Variants in TRIM67 observed in about 807,000 individuals in gnomAD.
TRIM67 encodes tripartite motif-containing protein 67.
TRIM67 carries 39 observed loss-of-function variants against 71.0 expected under a neutral mutation model. That is an observed-to-expected ratio of 0.55 (90% CI 0.43 to 0.72). TRIM67 has a LOEUF of 0.72. TRIM67 is among the 30% of genes least tolerant of loss of function. The pLI, the probability that TRIM67 is intolerant of heterozygous loss-of-function variation, is 0.00. For synonymous variants in TRIM67, 481 were observed against 473.9 expected (o/e 1.01, Z -0.19); for missense variants, 973 against 1,079.2 (o/e 0.90, Z 1.38).
intron 1 of TRIM67, among the ~76,000 whole-genome samples, chr1:231,175,067 A>G (rs1257407529): frequency 1.3e-5 from 2 of 152,222 alleles, no homozygotes; most frequent in Non-Finnish European, 2.9e-5. Context: ...TGCCAGTCCC[A>G]CACAATAAAG....
intron 1 of TRIM67, chr1:231,187,686 G>A (rs940470702): frequency 6.0e-5 from 57 of 956,382 alleles, no homozygotes; most frequent in South Asian, 3.4e-4. Context: ...TGCAGGAGGC[G>A]GAGTGGGAGA....
chr1:231,182,029 C>T (rs541941732), intron 1 of TRIM67, among the ~76,000 whole-genome samples: 30 of 152,258 alleles, frequency 2.0e-4, no homozygotes, highest in African/African-American at 7.2e-4. Flanking sequence ...CAAATGAGGG[C>T]CTTGCTCTAG....
chr1:231,210,726 T>C (rs1683843789), intron 8 of TRIM67, among the ~76,000 whole-genome samples: 1 of 151,900 alleles, frequency 6.6e-6, no homozygotes, highest in Non-Finnish European at 1.5e-5. Context: ...ACTATTATTG[T>C]TGCCATTTTA....
chr1:231,172,358 G>A (rs1370763773), intron 1 of TRIM67, among the ~76,000 whole-genome samples: 1 of 152,208 alleles, frequency 6.6e-6, no homozygotes, highest in Admixed American at 6.5e-5. Flanking sequence ...GGTGGGGACG[G>A]GATGGGGGAG....
intron 8 of TRIM67, among the ~76,000 whole-genome samples, chr1:231,213,187 C>G (rs1474682007): frequency 2.6e-5 from 4 of 152,156 alleles, no homozygotes; most frequent in Non-Finnish European, 5.9e-5. Flanking sequence ...CTTTCTTACC[C>G]ATTCTCCATG....
rs555428631 is a variant in TRIM67 at position 231,187,450 on chromosome 1, C to T, written c.1045-9921C>T. The stretch of plus-strand genomic sequence containing the variant: ...TCATTTATTTCTACTGTTCTGCCAA[C>T]AGATGAGGGCATTTTTAACTTATTA... On this transcript the variant is annotated intron_variant, in intron 1 of 9. Transcript: ENST00000366653. 5 of 1,311,010 alleles carry T rather than the reference C, an allele frequency of 3.8e-6. No homozygotes were observed. In the East Asian group the frequency reaches 1.0e-4, roughly 27 times the overall value. The allele number at this position is 1,311,010 out of a possible 1,614,324, so 81.2% of individuals were successfully genotyped here.
intron 6 of TRIM67, among the ~76,000 whole-genome samples, chr1:231,204,307 C>T (rs1382791793): frequency 4.6e-5 from 7 of 152,218 alleles, no homozygotes; most frequent in Non-Finnish European, 1.5e-5. Flanking sequence ...ATTCCCTCAA[C>T]GGGTTTTGTC....
rs1684027059 is a variant in TRIM67, at chr1:231,216,903, A to G, written c.*1463A>G. ...CCTGCCACCTCCAGCTCCACCTGGT[A>G]GTAACATTTCTCTCTCCTTTTAAAA... is the stretch of plus-strand genomic sequence containing the variant. On this transcript the variant is annotated 3_prime_UTR_variant, in exon 10 of 10. Coordinates refer to ENST00000366653, the MANE Select transcript of TRIM67 (RefSeq NM_001004342.5). The G allele has an allele frequency of 2.0e-6, 2 of 985,392 alleles. No individual in the cohort carries two copies. Among genetic ancestry groups the G allele is most frequent in the Non-Finnish European group, 2.4e-6 (2 of 829,946 alleles). The allele number at this position is 985,392 out of a possible 1,614,324, so 61.0% of individuals were successfully genotyped here.
Position 231,221,369 on chromosome 1 carries a change from G to C in TRIM67, c.*5929G>C, listed in dbSNP as rs1684134772. 6.6e-6 allele frequency: 1 copy of C among 152,594 alleles called. No homozygotes were observed. Among genetic ancestry groups the C allele is most frequent in the Non-Finnish European group, 1.5e-5 (1 of 68,044 alleles). The allele number at this position is 152,594 out of a possible 1,614,324, so 9.5% of individuals were successfully genotyped here. A position where few individuals can be genotyped will look rare whatever the true frequency, so the allele number is the denominator to read the frequency against. On this transcript the variant is annotated 3_prime_UTR_variant, in exon 10 of 10. Transcript: ENST00000366653. ...CTGAAAACACGGGGGGTAGCGGGGA[G>C]TGGTAAGGAAAGCAACTTTTTTCTA...
intron 1 of TRIM67, among the ~76,000 whole-genome samples, chr1:231,168,847 T>G (rs1489592026): frequency 6.6e-6 from 1 of 152,146 alleles, no homozygotes; most frequent in Non-Finnish European, 1.5e-5. Flanking sequence ...TAGGGTTGGA[T>G]GGGCAAAAAG....
chr1:231,215,253 G>A, intron 9 of TRIM67, 122 bp from the exon 10 acceptor site: 1 of 1,411,032 alleles, frequency 7.1e-7, no homozygotes. Context: ...GCAGCCCTGA[G>A]CTATTGCATG....
chr1:231,217,880 G>C lies in TRIM67; in HGVS notation c.*2440G>C. The C allele has an allele frequency of 7.8e-7, 1 of 1,289,476 alleles. No homozygotes were observed. Among genetic ancestry groups the C allele is most frequent in the Non-Finnish European group, 1.0e-6 (1 of 988,718 alleles). 79.9% of individuals were successfully genotyped at this position (1,289,476 alleles called of 1,614,324 possible). ...CCCTCAAATCCGGTGGCCTCTTTCA[G>C]AAAAAAGTTCCCTGAAGTCCAGAGA... On this transcript the variant is annotated 3_prime_UTR_variant, in exon 10 of 10. Coordinates refer to ENST00000366653, the MANE Select transcript of TRIM67 (RefSeq NM_001004342.5).
intron 8 of TRIM67, among the ~76,000 whole-genome samples, chr1:231,211,419 T>C (rs542859012): frequency 1.3e-5 from 2 of 152,182 alleles, no homozygotes; most frequent in Non-Finnish European, 2.9e-5. Context: ...AGCCGGGAAG[T>C]TGGACCCCAG....
rs192072927 is a variant in TRIM67, at chr1:231,170,418, T to C, written c.1044+6405T>C. ...TTTGAAGACTATTTATATAGAGAAA[T>C]ATAAGAAATTAAAAGTTGAAGACAA... On this transcript the variant is annotated intron_variant, in intron 1 of 9. Transcript: ENST00000366653. Among the ~76,000 whole-genome samples, 206 of 152,282 alleles carry C rather than the reference T, an allele frequency of 1.4e-3. 2 individuals are homozygous for C. The highest frequency in any genetic ancestry group is 4.5e-3 in the African/African-American group (188 of 41,558).
intron 1 of TRIM67, among the ~76,000 whole-genome samples, chr1:231,169,401 C>T (rs1682565051): frequency 1.1e-5 from 1 of 93,014 alleles, no homozygotes; most frequent in South Asian, 3.5e-4. Flanking sequence ...TTTGAGACAA[C>T]GTTTCTGCTC....
intron 4 of TRIM67, 26 bp downstream of exon 4, chr1:231,200,284 A>T: frequency 6.7e-7 from 1 of 1,497,424 alleles, no homozygotes; most frequent in Non-Finnish European, 9.3e-7. Context: ...GAAGACACAA[A>T]GTGGGCTTCC....
In TRIM67 at chr1:231,219,648, A is replaced by G; in HGVS notation, c.*4208A>G. 1.7e-6 allele frequency: 2 copies of G among 1,150,288 alleles called. No individual in the cohort carries two copies. The highest frequency in any genetic ancestry group is 2.2e-6 in the Non-Finnish European group (2 of 923,706). The allele number at this position is 1,150,288 out of a possible 1,614,324, so 71.3% of individuals were successfully genotyped here. A position where few individuals can be genotyped will look rare whatever the true frequency, so the allele number is the denominator to read the frequency against. ...CGTTACCTTTGTTTTCCTTGGCCAC[A>G]TTTTACTGGAAGCAACAGGAACTTC... On this transcript the variant is annotated 3_prime_UTR_variant, in exon 10 of 10. Transcript: ENST00000366653.
At chr1:231,183,849 G>C (rs913611128) in intron 1 of TRIM67, among the ~76,000 whole-genome samples, 1 of 152,178 alleles carries the variant, frequency 6.6e-6, no homozygotes, top group African/African-American at 2.4e-5. Flanking sequence ...GGGAGAGTAA[G>C]TGACTCACCT....
intron 5 of TRIM67, among the ~76,000 whole-genome samples, chr1:231,202,090 A>G (rs1683549288): frequency 1.5e-5 from 1 of 65,410 alleles, no homozygotes. Context: ...GTGGTGGCTA[A>G]GATAATGGAG....
Sources: gnomAD v4.1 joint callset for allele counts (sites outside exome capture counted in the v4.1 genomes callset) on GRCh38, gnomAD v4.1.1 for gene constraint, MANE v1.5 for transcripts, NCBI Gene and HGNC (gene_info 2026-07-23, HGNC 2026-07-21) for gene names.